NRXN1: variants seen among roughly 807,000 people sequenced by gnomAD.
NRXN1 encodes neurexin 1.
Under a neutral mutation model 150.9 loss-of-function variants are expected in NRXN1, and 39 were observed. That is an observed-to-expected ratio of 0.26 (90% confidence interval 0.20 to 0.34). The LOEUF is 0.34. NRXN1 is among the 10% of genes least tolerant of loss of function. The pLI, the probability that NRXN1 is intolerant of heterozygous loss-of-function variation, is 1.00. For missense variants in NRXN1, 1,815 were observed against 1,949.9 expected (o/e 0.93, Z 1.30); for synonymous variants, 924 against 757.0 (o/e 1.22, Z -3.62).
chr2:50,011,285 T>C (rs1685619523), intron 21 of NRXN1, among the ~76,000 whole-genome samples: 1 of 152,158 alleles, frequency 6.6e-6, no homozygotes, highest in South Asian at 2.1e-4. Flanking sequence ...GAACTCAATA[T>C]TTTCATACTT....
At chr2:50,528,697 G>T (rs200144333) in intron 11 of NRXN1, 46 bp from the exon 12 acceptor site, 3 of 1,261,282 alleles carry the variant, frequency 2.4e-6, no homozygotes, top group Non-Finnish European at 3.4e-6. Context: ...ATCCTTCAAG[G>T]TAATAGCTGC....
intron 16 of NRXN1, among the ~76,000 whole-genome samples, chr2:50,470,293 C>A (rs753608901): frequency 6.6e-6 from 1 of 151,656 alleles, no homozygotes; most frequent in African/African-American, 2.4e-5. Context: ...ATCCCCTTAA[C>A]AATTTTGTCT....
rs570047912 is a variant in NRXN1, at chr2:50,258,831, T to A, written c.3365-21861A>T. Among the ~76,000 whole-genome samples, 6 of 152,140 alleles carry A rather than the reference T, an allele frequency of 3.9e-5. No individual in the cohort carries two copies. The East Asian group carries it at 1.2e-3, about 29-fold the overall frequency. On this transcript the variant is annotated intron_variant, in intron 17 of 22. Coordinates refer to ENST00000401669, the MANE Select transcript of NRXN1 (RefSeq NM_001330078.2). The stretch of plus-strand genomic sequence containing the variant: ...GTTATCAAGGATAAAATTATATTAA[T>A]CCCCATGTATATCTCCATCATTGGG...
intron 21 of NRXN1, among the ~76,000 whole-genome samples, chr2:50,006,933 A>G (rs1051587662): frequency 3.9e-5 from 6 of 152,180 alleles, no homozygotes; most frequent in African/African-American, 1.4e-4. Flanking sequence ...GATGAAAAAT[A>G]TTTGAAGAGA....
chr2:50,795,010 T>G (rs1311253078), intron 5 of NRXN1, among the ~76,000 whole-genome samples: 2 of 152,096 alleles, frequency 1.3e-5, no homozygotes, highest in Non-Finnish European at 2.9e-5. Flanking sequence ...GCCTTACAAA[T>G]CCATCCTTGT....
rs1356330470 is a variant in NRXN1, at chr2:50,913,295, A to G, written c.832+8574T>C. ...AACTAGGGTTTCCCTGTGAAATGGAATCACAATTGGACAATTTAGGGATTT... is the reference window on the plus strand; with the variant it reads ...AACTAGGGTTTCCCTGTGAAATGGAGTCACAATTGGACAATTTAGGGATTT... On this transcript the variant is annotated intron_variant, in intron 5 of 22. Coordinates refer to ENST00000401669, the MANE Select transcript of NRXN1 (RefSeq NM_001330078.2). Among the ~76,000 whole-genome samples the G allele has an allele frequency of 2.0e-5, 3 of 151,768 alleles. No homozygotes were observed. In the East Asian group the frequency reaches 5.8e-4, roughly 30 times the overall value.
At chr2:50,174,737 A>G (rs933311163) in intron 18 of NRXN1, 21 of 152,164 alleles carry the variant, frequency 1.4e-4, no homozygotes, top group African/African-American at 2.4e-4. Flanking sequence ...ATAAATTACT[A>G]TATGTCAAGC....
rs183891643 is a variant in NRXN1 at position 50,942,051 on chromosome 2, A to G, written c.773-16096T>C. 6.4e-4 allele frequency among the ~76,000 whole-genome samples: 97 copies of G among 152,312 alleles called. 1 individual carries two copies. The highest frequency in any genetic ancestry group is 4.4e-4 in the Non-Finnish European group (30 of 68,026). ...CTTGAGATATGGCACCCTGCATCCC[A>G]GTCACTCCAGTTCCAGTCATGGCTA... is the stretch of plus-strand genomic sequence containing the variant. On this transcript the variant is annotated intron_variant, in intron 2 of 22. Transcript: ENST00000401669.
intron 17 of NRXN1, among the ~76,000 whole-genome samples, chr2:50,296,737 G>A (rs2073618665): frequency 6.6e-6 from 1 of 151,816 alleles, no homozygotes; most frequent in South Asian, 2.1e-4. Flanking sequence ...GAAAGTGCTG[G>A]GATTACAGGT....
chr2:50,779,739 G>C (rs983417712), intron 5 of NRXN1, among the ~76,000 whole-genome samples: 4 of 152,102 alleles, frequency 2.6e-5, no homozygotes, highest in Admixed American at 6.6e-5. Context: ...CTGCACTCCA[G>C]CCTGGGTGAC....
intron 18 of NRXN1, among the ~76,000 whole-genome samples, chr2:50,182,510 G>C (rs1003008978): frequency 2.0e-5 from 3 of 152,102 alleles, no homozygotes; most frequent in African/African-American, 4.8e-5. Context: ...TGGATTCTCT[G>C]TTAAGTTATG....
At chr2:50,288,830 A>C (rs2152941058) in intron 17 of NRXN1, among the ~76,000 whole-genome samples, 1 of 152,272 alleles carries the variant, frequency 6.6e-6, no homozygotes, top group South Asian at 2.1e-4. Flanking sequence ...ACAAAGCCAA[A>C]CCATATCTCC....
At chr2:50,537,415 C>T (rs540406920) in intron 10 of NRXN1, among the ~76,000 whole-genome samples, 1 of 152,276 alleles carries the variant, frequency 6.6e-6, no homozygotes, top group East Asian at 1.9e-4. Flanking sequence ...GAAGAATAAA[C>T]TTAGAACTAT....
At chr2:50,222,687 A>C (rs2063989587) in intron 18 of NRXN1, among the ~76,000 whole-genome samples, 1 of 151,954 alleles carries the variant, frequency 6.6e-6, no homozygotes. Flanking sequence ...TATGAGGTAA[A>C]TATGAGATCA....
rs558482112 is a variant in NRXN1 at position 50,022,200 on chromosome 2, T to G, written c.4128+31071A>C. Among the ~76,000 whole-genome samples the G allele has an allele frequency of 4.6e-5, 7 of 152,276 alleles. No individual in the cohort carries two copies. In the East Asian group the frequency reaches 1.4e-3, roughly 29 times the overall value. ...GATTTCACCGTGTTAGCCAGGATGATCTCAATCTCCTGACCTCATGATCTG... is the reference window on the plus strand; with the variant it reads ...GATTTCACCGTGTTAGCCAGGATGAGCTCAATCTCCTGACCTCATGATCTG... On this transcript the variant is annotated intron_variant, in intron 21 of 22. Transcript: ENST00000401669.
chr2:50,309,188 C>T (rs914333402), intron 17 of NRXN1, among the ~76,000 whole-genome samples: 4 of 152,188 alleles, frequency 2.6e-5, no homozygotes, highest in South Asian at 2.1e-4. Context: ...TTGGTTAGCC[C>T]GGCCTCAGTT....
chr2:50,393,447 C>T (rs1032356662), intron 17 of NRXN1, among the ~76,000 whole-genome samples: 6 of 151,908 alleles, frequency 3.9e-5, no homozygotes, highest in African/African-American at 1.5e-4. Flanking sequence ...GGATAGTGTG[C>T]TGTTTTCAAA....
Position 50,538,560 on chromosome 2 carries a change from C to G in NRXN1, c.1836G>C (p.Glu612Asp). 6.4e-7 allele frequency: 1 copy of G among 1,573,074 alleles called. No homozygotes were observed. Among genetic ancestry groups the G allele is most frequent in the Non-Finnish European group, 8.6e-7 (1 of 1,157,898 alleles). Residue 612 changes from glutamate (E) to aspartate (D), a missense_variant, in exon 10 of 23, where the codon GAG (glutamate) becomes GAC (aspartate). Physicochemically the swap from Glu to Asp is conservative, Grantham distance 45 (BLOSUM62 2). This residue lies in a region of NRXN1 where 638 missense variants were observed against 652.6 expected (regional missense o/e 0.98). Transcript: ENST00000401669. Reference protein sequence around the residue: ...GESEILDLDDELYLGGLPENK... With the variant: ...GESEILDLDDDLYLGGLPENK... ...TTTCTGGCAGCCCCCCCAGGTACAA[C>G]TCATCATCCAGGTCCAGAATCTCAC...
intron 2 of NRXN1, among the ~76,000 whole-genome samples, chr2:50,954,778 C>G (rs538911272): frequency 2.1e-4 from 32 of 152,318 alleles, no homozygotes; most frequent in Admixed American, 1.0e-3. Context: ...AGGTACTCAA[C>G]AGGAGCTTCT....
Sources: allele counts gnomAD v4.1 joint callset (sites outside exome capture counted in the v4.1 genomes callset), GRCh38; gene constraint gnomAD v4.1.1; regional missense constraint gnomAD v4.1.1; transcripts MANE v1.5; gene names NCBI Gene and HGNC (gene_info 2026-07-23, HGNC 2026-07-21).